Variants in MEAF6 observed in about 807,000 individuals in gnomAD.
MEAF6 encodes the protein chromatin modification-related protein MEAF6.
A neutral mutation model predicts 28.9 loss-of-function variants in MEAF6; 15 were observed. The ratio of observed to expected loss-of-function variants is 0.52; its 90% CI spans 0.35 to 0.80. The LOEUF (loss-of-function observed/expected upper bound fraction) is 0.80. Among genes scored for constraint, MEAF6 ranks in the 30% least tolerant of loss-of-function variants. The pLI is 0.01. For missense variants in MEAF6, 178 were observed against 237.5 expected, an observed-to-expected ratio of 0.75 and a Z score of 1.65; for synonymous variants, 97 against 88.7, an observed-to-expected ratio of 1.09 and a Z score of -0.53.
In MEAF6 at chr1:37,509,533, A is replaced by G; in HGVS notation, c.216T>C (p.Asn72=). Residue 72 remains asparagine (N), a synonymous_variant, in exon 3 of 7, where the codon AAT becomes AAC. Transcript: ENST00000296214. Reference sequence around the variant, plus strand: ...TCCGGTTCCTTCGATCATTTTTGCTATTGGAGTTTCTAAAACACAGAAGAA... The same window carrying G: ...TCCGGTTCCTTCGATCATTTTTGCTGTTGGAGTTTCTAAAACACAGAAGAA... ...DRYLTNQKNS[N]SKNDRRNRKF... is the part of the protein sequence containing the mutation. 6.2e-7 allele frequency: 1 copy of G among 1,613,766 alleles called. No individual in the cohort carries two copies. Among genetic ancestry groups the G allele is most frequent in the South Asian group, 1.1e-5 (1 of 91,010 alleles).
At position 37,492,321 on chromosome 1, in the gene MEAF6, C is replaced by A. The variant is rs1431848420; in HGVS notation, c.*1778G>T. 6.6e-6 allele frequency among the ~76,000 whole-genome samples: 1 copy of A among 151,928 alleles called. No homozygotes were observed. The highest frequency in any genetic ancestry group is 1.5e-5 in the Non-Finnish European group (1 of 67,986). On this transcript the variant is annotated 3_prime_UTR_variant, in exon 7 of 7. Transcript: ENST00000296214. The stretch of plus-strand genomic sequence containing the variant: ...GGGATTACAGGTGTGAGCCACCGCA[C>A]CCAGCCCAAGAGTCAAAAATATTTT...
intron 5 of MEAF6, among the ~76,000 whole-genome samples, chr1:37,500,518 G>A (rs1642266091): frequency 6.6e-6 from 1 of 152,166 alleles, no homozygotes; most frequent in Admixed American, 6.5e-5. Flanking sequence ...TCTTACTACA[G>A]TTATGCGATT....
At chr1:37,508,085 A>C (rs560894560) in intron 4 of MEAF6, among the ~76,000 whole-genome samples, 1 of 152,264 alleles carries the variant, frequency 6.6e-6, no homozygotes, top group African/African-American at 2.4e-5. Flanking sequence ...CAGAGAGAAC[A>C]TCCAATATGG....
intron 2 of MEAF6, among the ~76,000 whole-genome samples, chr1:37,509,805 C>A (rs1642605885): frequency 6.6e-6 from 1 of 152,110 alleles, no homozygotes; most frequent in South Asian, 2.1e-4. Flanking sequence ...GAGACGGAGT[C>A]TTGCTCTGTC....
Position 37,493,655 on chromosome 1 carries a change from A to C in MEAF6, c.*444T>G. Reference sequence around the variant, plus strand: ...AGATAAAAACAACAAGAGAAAAACAAGAAAACATAAAACAATATAAGAAAA... The same window carrying C: ...AGATAAAAACAACAAGAGAAAAACACGAAAACATAAAACAATATAAGAAAA... On this transcript the variant is annotated 3_prime_UTR_variant, in exon 7 of 7. Transcript: ENST00000296214. 2 of 905,456 alleles carry C rather than the reference A, an allele frequency of 2.2e-6. No homozygotes were observed. 56.1% of individuals were successfully genotyped at this position (905,456 alleles called of 1,614,324 possible). A position where few individuals can be genotyped will look rare whatever the true frequency, so the allele number is the denominator to read the frequency against.
In MEAF6 at chr1:37,491,223, T is replaced by G. The variant is rs1401853494; in HGVS notation, c.*2876A>C. Among the ~76,000 whole-genome samples, 2 of 151,712 alleles carry G rather than the reference T, an allele frequency of 1.3e-5. No homozygotes were observed. The highest frequency in any genetic ancestry group is 4.8e-5 in the African/African-American group (2 of 41,310). ...TCAAGATGTCAAGAATACTCTATAT[T>G]GCCAGGTGCCAGGGCTCATGCCTGT... On this transcript the variant is annotated 3_prime_UTR_variant, in exon 7 of 7. Coordinates refer to ENST00000296214, the MANE Select transcript of MEAF6 (RefSeq NM_001270875.3).
rs552800332 is a variant in MEAF6 at position 37,497,287 on chromosome 1, G to C, written c.534-1369C>G. Among the ~76,000 whole-genome samples, 4 of 152,280 alleles carry C rather than the reference G, an allele frequency of 2.6e-5. No homozygotes were observed. The East Asian group carries it at 5.8e-4, about 22-fold the overall frequency. On this transcript the variant is annotated intron_variant, in intron 5 of 6. Transcript: ENST00000296214. ...GAGTCTCGCTCTGGCACCCAGGCTG[G>C]AGTGCAGGGGCGGCGATCTTGGCTC...
rs555045538 is a variant in MEAF6 at position 37,503,109 on chromosome 1, C to T, written c.341-1113G>A. Among the ~76,000 whole-genome samples, 830 of 148,532 alleles carry T rather than the reference C, an allele frequency of 5.6e-3. 3 individuals carry two copies. The highest frequency in any genetic ancestry group is 9.2e-3 in the Non-Finnish European group (614 of 66,790). On this transcript the variant is annotated intron_variant, in intron 4 of 6. Transcript: ENST00000296214. ...CGGCACATGCCACCACACTTGGATA[C>T]TTTTTTTTTTAAAGATGGGGTCTTA...
chr1:37,494,471 C>T (rs1253937269), intron 6 of MEAF6, among the ~76,000 whole-genome samples: 5 of 141,626 alleles, frequency 3.5e-5, no homozygotes, highest in African/African-American at 5.3e-5. Context: ...GCCAAGATCG[C>T]GCCATTGCAC....
intron 4 of MEAF6, among the ~76,000 whole-genome samples, chr1:37,507,347 A>C (rs540713001): frequency 6.6e-6 from 1 of 151,900 alleles, no homozygotes; most frequent in Non-Finnish European, 1.5e-5. Flanking sequence ...AAGAAAACTA[A>C]GTCAGATATC....
chr1:37,514,519 G>A (rs929994176), intron 1 of MEAF6, 138 bp downstream of exon 1: 4 of 501,596 alleles, frequency 8.0e-6, no homozygotes, highest in Non-Finnish European at 1.3e-5. Context: ...ATGCGCACCC[G>A]GCCTCAGGCC....
At chr1:37,500,778 C>T (rs1421095465) in intron 5 of MEAF6, among the ~76,000 whole-genome samples, 1 of 152,140 alleles carries the variant, frequency 6.6e-6, no homozygotes, top group Non-Finnish European at 1.5e-5. Context: ...TGAAGGAATA[C>T]CCTACAGATT....
chr1:37,506,287 A>C (rs61779861), intron 4 of MEAF6, among the ~76,000 whole-genome samples: 1 of 151,984 alleles, frequency 6.6e-6, no homozygotes, highest in East Asian at 1.9e-4. Context: ...AAAAAAACTT[A>C]GATGCCACTA....
In MEAF6 at chr1:37,490,558, G is replaced by A. The variant is rs1641895073; in HGVS notation, c.*3541C>T. ...AGATGTCAATTTTCTGTTGGAGACA[G>A]CGTCTTGCTACGTTACTCAGGCTGA... On this transcript the variant is annotated 3_prime_UTR_variant, in exon 7 of 7. Coordinates refer to ENST00000296214, the MANE Select transcript of MEAF6 (RefSeq NM_001270875.3). Among the ~76,000 whole-genome samples the A allele has an allele frequency of 6.6e-6, 1 of 152,282 alleles. No individual in the cohort carries two copies. Among genetic ancestry groups the A allele is most frequent in the East Asian group, 1.9e-4 (1 of 5,178 alleles).
At chr1:37,495,416 C>T (rs1316096477) in intron 6 of MEAF6, among the ~76,000 whole-genome samples, 3 of 149,828 alleles carry the variant, frequency 2.0e-5, no homozygotes, top group Non-Finnish European at 4.4e-5. Flanking sequence ...AATACAAAAA[C>T]CATAGGCCAG....
chr1:37,493,888 T>C lies in MEAF6; in HGVS notation c.*211A>G. On this transcript the variant is annotated 3_prime_UTR_variant, in exon 7 of 7. Coordinates refer to ENST00000296214, the MANE Select transcript of MEAF6 (RefSeq NM_001270875.3). ...TGTCTTCATCTTCCTGCAGTTCTGT[T>C]ACTAAAAATGACATAAAGTAAGACC... The C allele has an allele frequency of 6.4e-7, 1 of 1,573,160 alleles. No individual in the cohort carries two copies. Among genetic ancestry groups the C allele is most frequent in the Admixed American group, 2.0e-5 (1 of 49,230 alleles).
chr1:37,499,788 A>G (rs1190919506), intron 5 of MEAF6, among the ~76,000 whole-genome samples: 1 of 152,230 alleles, frequency 6.6e-6, no homozygotes. Flanking sequence ...TATTGTTCCT[A>G]TGGAAATGTG....
chr1:37,500,804 G>C (rs1569964330), intron 5 of MEAF6: 1 of 152,550 alleles, frequency 6.6e-6, no homozygotes, highest in Non-Finnish European at 1.5e-5. Flanking sequence ...ACCAAATCCA[G>C]AAGCAAACTG....
At chr1:37,502,651 T>G (rs917884741) in intron 4 of MEAF6, among the ~76,000 whole-genome samples, 2 of 143,548 alleles carry the variant, frequency 1.4e-5, no homozygotes, top group Admixed American at 1.4e-4. Context: ...AGGGTCTCAC[T>G]CTGTCACCTA....
Sources: allele counts gnomAD v4.1 joint callset (sites outside exome capture counted in the v4.1 genomes callset), GRCh38; gene constraint gnomAD v4.1.1; transcripts MANE v1.5; gene names NCBI Gene and HGNC (gene_info 2026-07-23, HGNC 2026-07-21).